Variants in CENPP observed in about 807,000 individuals in gnomAD.
The protein encoded by CENPP is centromere protein P.
A neutral mutation model predicts 35.6 loss-of-function variants in CENPP; 24 were observed. That is an observed-to-expected ratio of 0.67 (90% CI 0.49 to 0.95). The LOEUF is 0.95. Among genes scored for constraint, CENPP ranks in the 40% least tolerant of loss-of-function variants. The pLI is 0.00. For synonymous variants in CENPP, 120 were observed against 125.5 expected, an observed-to-expected ratio of 0.96 and a Z score of 0.29; for missense variants, 332 against 345.3, an observed-to-expected ratio of 0.96 and a Z score of 0.31.
chr9:92,444,627 T>G (rs928188915), intron 5 of CENPP, among the ~76,000 whole-genome samples: 2 of 152,208 alleles, frequency 1.3e-5, no homozygotes, highest in African/African-American at 4.8e-5. Flanking sequence ...TTATGCTTAT[T>G]ATCTCTGTCC....
intron 5 of CENPP, chr9:92,514,541 C>T: frequency 6.8e-7 from 1 of 1,480,702 alleles, no homozygotes; most frequent in South Asian, 1.5e-5. Flanking sequence ...TTTCAAAGTG[C>T]TGAGATTATA....
intron 5 of CENPP, among the ~76,000 whole-genome samples, chr9:92,539,717 A>G (rs1035640401): frequency 4.6e-5 from 7 of 152,254 alleles, no homozygotes; most frequent in African/African-American, 1.7e-4. Flanking sequence ...CCATAGTTCA[A>G]ATGCCTTTTA....
At chr9:92,398,037 C>G (rs909848630) in intron 5 of CENPP, among the ~76,000 whole-genome samples, 5 of 151,752 alleles carry the variant, frequency 3.3e-5, no homozygotes, top group African/African-American at 9.7e-5. Context: ...GAACCTGGCT[C>G]TCATTATTTA....
At chr9:92,515,638 A>G (rs1588212519) in intron 5 of CENPP, among the ~76,000 whole-genome samples, 2 of 152,360 alleles carry the variant, frequency 1.3e-5, no homozygotes, top group Admixed American at 1.3e-4. Context: ...TGTTTACCAG[A>G]CATTAGAAAA....
chr9:92,574,535 T>G (rs1850232462), intron 5 of CENPP, among the ~76,000 whole-genome samples: 1 of 152,126 alleles, frequency 6.6e-6, no homozygotes, highest in Non-Finnish European at 1.5e-5. Context: ...GGTGAAAGAT[T>G]TGTACAATGA....
At chr9:92,545,095 AGCCCTCGCT>A (rs1372736287) in intron 5 of CENPP, among the ~76,000 whole-genome samples, 7 of 152,194 alleles carry the variant, frequency 4.6e-5, no homozygotes, top group Admixed American at 1.3e-4. Context: ...CAGCCCTCGC[AGCCCTCGCT>A]CGCTCTTGGC....
intron 5 of CENPP, among the ~76,000 whole-genome samples, chr9:92,432,285 A>G (rs894940764): frequency 6.6e-6 from 1 of 152,006 alleles, no homozygotes; most frequent in African/African-American, 2.4e-5. Flanking sequence ...AGATGGCGCC[A>G]TTGCACTCCA....
chr9:92,447,237 A>G (rs1465998991), intron 5 of CENPP, among the ~76,000 whole-genome samples: 1 of 151,810 alleles, frequency 6.6e-6, no homozygotes, highest in East Asian at 1.9e-4. Context: ...TTATTATTAC[A>G]TTGTAATATA....
intron 5 of CENPP, chr9:92,414,924 G>A: frequency 3.0e-6 from 1 of 335,254 alleles, no homozygotes. Context: ...TTTAATTTAT[G>A]ATTCCCACTT....
chr9:92,339,592 T>C (rs1363744222), intron 3 of CENPP: 1 of 152,294 alleles, frequency 6.6e-6, no homozygotes, highest in Non-Finnish European at 1.5e-5. Flanking sequence ...GCCTAGGCCA[T>C]TTGAGCAGGA....
intron 5 of CENPP, among the ~76,000 whole-genome samples, chr9:92,581,869 C>T (rs906930821): frequency 1.4e-4 from 22 of 152,108 alleles, no homozygotes; most frequent in African/African-American, 5.3e-4. Context: ...TACAAGGTTG[C>T]TTGAAATTAA....
chr9:92,429,212 C>T (rs1001164088), intron 5 of CENPP, among the ~76,000 whole-genome samples: 4 of 152,086 alleles, frequency 2.6e-5, no homozygotes, highest in East Asian at 3.9e-4. Context: ...TTCTATTTTC[C>T]TGACTGTTGG....
chr9:92,363,483 T>G (rs1841814177), intron 4 of CENPP, among the ~76,000 whole-genome samples: 1 of 152,170 alleles, frequency 6.6e-6, no homozygotes, highest in Non-Finnish European at 1.5e-5. Context: ...GCTGTATAGG[T>G]TTATAGCCTA....
intron 5 of CENPP, among the ~76,000 whole-genome samples, chr9:92,546,623 A>G (rs1329872798): frequency 6.6e-6 from 1 of 152,220 alleles, no homozygotes; most frequent in Non-Finnish European, 1.5e-5. Context: ...CTGGAACACC[A>G]GAAGGAACAA....
At chr9:92,595,485 T>C (rs529363206) in intron 5 of CENPP, among the ~76,000 whole-genome samples, 3 of 151,996 alleles carry the variant, frequency 2.0e-5, no homozygotes, top group Non-Finnish European at 4.4e-5. Flanking sequence ...CAAGCAATCA[T>C]CCGGCCTTAC....
intron 5 of CENPP, chr9:92,502,410 C>G (rs751491095): frequency 8.6e-6 from 12 of 1,399,796 alleles, no homozygotes; most frequent in African/African-American, 1.4e-5. Context: ...CCTTCAGTAT[C>G]GTCACCTCCC....
intron 4 of CENPP, among the ~76,000 whole-genome samples, chr9:92,357,246 TAA>T (rs1841614675): frequency 6.6e-6 from 1 of 151,812 alleles, no homozygotes; most frequent in Non-Finnish European, 1.5e-5. Flanking sequence ...CCATATGTTC[TAA>T]GAGTCTATTT....
chr9:92,368,265 A>G (rs1841934659), intron 4 of CENPP, among the ~76,000 whole-genome samples: 1 of 152,206 alleles, frequency 6.6e-6, no homozygotes, highest in Non-Finnish European at 1.5e-5. Flanking sequence ...TATTTAAAAT[A>G]TTGTATAAAA....
At position 92,551,952 on chromosome 9, in the gene CENPP, TG is replaced by T. The variant is rs1475672617; in HGVS notation, c.565-59361del. The stretch of plus-strand genomic sequence containing the variant: ...ATATATATATATATATATATATATA[TG>T]ATATATATATGTGTGATATATATGT... On this transcript the variant is annotated intron_variant, in intron 5 of 7. Coordinates refer to ENST00000375587, the MANE Select transcript of CENPP (RefSeq NM_001012267.3). Among the ~76,000 whole-genome samples, 933 of 113,774 alleles carry T rather than the reference TG, an allele frequency of 8.2e-3. 58 individuals carry two copies. Among genetic ancestry groups the T allele is most frequent in the African/African-American group, 0.035 (856 of 24,750 alleles). 74.6% of individuals were successfully genotyped at this position (113,774 alleles called of 152,430 possible).
Sources: allele counts gnomAD v4.1 joint callset (sites outside exome capture counted in the v4.1 genomes callset), GRCh38; gene constraint gnomAD v4.1.1; transcripts MANE v1.5; gene names NCBI Gene and HGNC (gene_info 2026-07-23, HGNC 2026-07-21).